REM1: variants seen among roughly 807,000 people sequenced by gnomAD.
REM1 encodes RRAD and GEM like GTPase 1.
Under a neutral mutation model 27.0 loss-of-function variants are expected in REM1, and 20 were observed. That is an observed-to-expected ratio of 0.74 (90% CI 0.52 to 1.08). The LOEUF (loss-of-function observed/expected upper bound fraction) is 1.08. REM1 is among the 50% of genes least tolerant of loss of function. REM1 has a pLI of 0.00. For synonymous variants in REM1, 159 were observed against 167.9 expected, an observed-to-expected ratio of 0.95 and a Z score of 0.41; for missense variants, 405 against 407.0, an observed-to-expected ratio of 1.00 and a Z score of 0.04.
chr20:31,480,264 T>C (rs892147747), intron 3 of REM1, among the ~76,000 whole-genome samples: 2 of 151,546 alleles, frequency 1.3e-5, no homozygotes, highest in East Asian at 1.9e-4. Flanking sequence ...CATACATACA[T>C]ACATACATAC....
At chr20:31,480,248 CACATACATACATACATACAT>C (rs3068541) in intron 3 of REM1, among the ~76,000 whole-genome samples, 1 of 127,442 alleles carries the variant, frequency 7.8e-6, no homozygotes, top group Non-Finnish European at 1.6e-5. Flanking sequence ...CATACATACA[CACATACATACATACATACAT>C]ACATACATAC....
At chr20:31,480,194 G>T in intron 3 of REM1, among the ~76,000 whole-genome samples, 1 of 80,574 alleles carries the variant, frequency 1.2e-5, no homozygotes, top group Non-Finnish European at 2.5e-5. Context: ...AATAAAGATA[G>T]ATAGATAGAT....
At position 31,475,687 on chromosome 20, in the gene REM1, G is replaced by GGCCTGACC. The variant is rs1386280704; in HGVS notation, c.-220+323_-220+330dup. On this transcript the variant is annotated intron_variant, in intron 1 of 4. Transcript: ENST00000201979. The surrounding 1 kb of genome is among the most constrained non-coding windows in gnomAD (Gnocchi z 5.0). ...GACCCTGTCCTGTCACCTAACCTGG[G>GGCCTGACC]GCCTGACCGGCGGCAGCTCCCGTCC... Among the ~76,000 whole-genome samples the GGCCTGACC allele has an allele frequency of 6.6e-6, 1 of 152,186 alleles. No individual in the cohort carries two copies. Among genetic ancestry groups the GGCCTGACC allele is most frequent in the Non-Finnish European group, 1.5e-5 (1 of 68,032 alleles).
rs756139116 is a variant in REM1, at chr20:31,484,155, T to C, written c.626-4T>C. On this transcript the variant is annotated splice_region_variant and splice_polypyrimidine_tract_variant and intron_variant, in intron 4 of 4. Transcript: ENST00000201979. ...CCCCTCCTCGCCGGGCCCCGCCCCC[T>C]TAGAGGGCCGCGCCTGCGCTGTGGT... is the stretch of plus-strand genomic sequence containing the variant. The C allele has an allele frequency of 3.3e-5, 52 of 1,574,698 alleles. No individual in the cohort carries two copies. Among genetic ancestry groups the C allele is most frequent in the Non-Finnish European group, 4.4e-5 (51 of 1,157,238 alleles).
intron 2 of REM1, among the ~76,000 whole-genome samples, chr20:31,477,146 C>T (rs1980542351): frequency 6.6e-6 from 1 of 152,122 alleles, no homozygotes; most frequent in African/African-American, 2.4e-5. Flanking sequence ...TCCTCTGACT[C>T]TTAGATTCTC....
rs200229662 is a variant in REM1, at chr20:31,482,267, C to T, written c.424-20C>T. ...GCCTAGATACCCTCTGAGGATGGGT[C>T]TTGGGTCCCTCTCCTGCAGGATAAA... is the stretch of plus-strand genomic sequence containing the variant. On this transcript the variant is annotated intron_variant, in intron 3 of 4. Transcript: ENST00000201979. 6.2e-7 allele frequency: 1 copy of T among 1,613,360 alleles called. No individual in the cohort carries two copies. The highest frequency in any genetic ancestry group is 1.1e-5 in the South Asian group (1 of 91,038).
At chr20:31,478,534 C>T (rs1268540192) in intron 3 of REM1, among the ~76,000 whole-genome samples, 1 of 152,166 alleles carries the variant, frequency 6.6e-6, no homozygotes, top group East Asian at 1.9e-4. Context: ...AGGAATATGT[C>T]CCTATTATGA....
intron 3 of REM1, among the ~76,000 whole-genome samples, chr20:31,479,184 A>T (rs144731166): frequency 6.6e-6 from 1 of 152,264 alleles, no homozygotes; most frequent in East Asian, 1.9e-4. Flanking sequence ...TCGTCTTATG[A>T]CTGTCCTCCC....
Position 31,482,304 on chromosome 20 carries a change from G to C in REM1, c.441G>C (p.Gln147His), listed in dbSNP as rs1980758340. The C allele has an allele frequency of 6.2e-7, 1 of 1,614,140 alleles. No homozygotes were observed. Among genetic ancestry groups the C allele is most frequent in the South Asian group, 1.1e-5 (1 of 91,082 alleles). ...TCCTGCAGGATAAAAGCTGGAGCCA[G>C]GAGTCATGCCTGCAGGGGGGCAGTG... ...EAEKLDKSWS[Q>H]ESCLQGGSAY... The change falls in exon 4 of 5, where the codon CAG (glutamine) becomes CAC (histidine). Residue 147 changes from glutamine to histidine, a missense_variant. Transcript: ENST00000201979.
Position 31,484,423 on chromosome 20 carries a change from T to C in REM1, c.890T>C (p.Val297Ala). ...ARSKSCHNLAVL is the reference protein window; with the variant it reads ...ARSKSCHNLAAL ...TCCAAGTCCTGCCACAATCTGGCCG[T>C]GCTCTGAAGCCCCCCGCCCTTCTGA... The change falls in exon 5 of 5, where the codon GTG becomes GCG. Residue 297 changes from valine (V) to alanine (A), a missense_variant. Transcript: ENST00000201979. 6.6e-7 allele frequency: 1 copy of C among 1,509,604 alleles called. No individual in the cohort carries two copies. Among genetic ancestry groups the C allele is most frequent in the Non-Finnish European group, 8.9e-7 (1 of 1,127,868 alleles). 93.5% of individuals were successfully genotyped at this position (1,509,604 alleles called of 1,614,324 possible).
chr20:31,480,188 A>AAGATAGATAGATAGAT (rs11467647), intron 3 of REM1, among the ~76,000 whole-genome samples: 31 of 150,052 alleles, frequency 2.1e-4, no homozygotes, highest in South Asian at 8.5e-4. Context: ...CATCTCAATA[A>AAGATAGATAGATAGAT]AGATAGATAG....
chr20:31,476,727 C>T lies in REM1; in HGVS notation c.282C>T (p.Thr94=). The change falls in exon 2 of 5, where the codon ACC becomes ACT. Residue 94 remains threonine (T), a synonymous_variant. Transcript: ENST00000201979. Reference sequence around the variant, plus strand: ...TTGGAGATCCTGGAGTGGGGAAGACCAGCTTGGCCAGCCTCTTTGCAGGGA... The same window carrying T: ...TTGGAGATCCTGGAGTGGGGAAGACTAGCTTGGCCAGCCTCTTTGCAGGGA... The part of the protein sequence containing the change: ...VLLGDPGVGK[T]SLASLFAGKQ... 6.2e-7 allele frequency: 1 copy of T among 1,613,964 alleles called. No homozygotes were observed. Among genetic ancestry groups the T allele is most frequent in the South Asian group, 1.1e-5 (1 of 91,052 alleles).
rs1980517763 is a variant in REM1 at position 31,476,669 on chromosome 20, G to C, written c.224G>C (p.Gly75Ala). The change falls in exon 2 of 5, where the codon GGC becomes GCC. Residue 75 changes from glycine (G) to alanine (A), a missense_variant. Physicochemically the swap from Gly to Ala is moderately conservative, Grantham distance 60 (BLOSUM62 0). Coordinates refer to ENST00000201979, the MANE Select transcript of REM1 (RefSeq NM_014012.6). ...TCTTCTGAATCCAGCGACTCTGAAGGCTCCTGGGAGGCTCTCTACCGTGTG... is the reference window on the plus strand; with the variant it reads ...TCTTCTGAATCCAGCGACTCTGAAGCCTCCTGGGAGGCTCTCTACCGTGTG... Reference protein sequence around the residue: ...DWSSESSDSEGSWEALYRVVL... With the variant: ...DWSSESSDSEASWEALYRVVL... 6.2e-7 allele frequency: 1 copy of C among 1,614,048 alleles called. No individual in the cohort carries two copies. Among genetic ancestry groups the C allele is most frequent in the African/African-American group, 1.3e-5 (1 of 74,922 alleles).
Position 31,476,432 on chromosome 20 carries a change from C to T in REM1, c.-14C>T, listed in dbSNP as rs755906163. Reference sequence around the variant, plus strand: ...GAAGGAAAGAAGGAAGAAGCAAACCCCCCCCTACCAAAGATGACACTCAAC... The same window carrying T: ...GAAGGAAAGAAGGAAGAAGCAAACCTCCCCCTACCAAAGATGACACTCAAC... On this transcript the variant is annotated 5_prime_UTR_variant, in exon 2 of 5. Coordinates refer to ENST00000201979, the MANE Select transcript of REM1 (RefSeq NM_014012.6). 10 of 1,542,838 alleles carry T rather than the reference C, an allele frequency of 6.5e-6. No homozygotes were observed. The highest frequency in any genetic ancestry group is 7.8e-6 in the Non-Finnish European group (9 of 1,146,672).
chr20:31,477,310 G>C (rs1980548756), intron 2 of REM1, among the ~76,000 whole-genome samples: 1 of 152,136 alleles, frequency 6.6e-6, no homozygotes, highest in African/African-American at 2.4e-5. Context: ...GCCCCAGGAT[G>C]ATGGGGTACA....
intron 3 of REM1, among the ~76,000 whole-genome samples, chr20:31,481,944 C>T (rs1457407811): frequency 6.6e-6 from 1 of 152,148 alleles, no homozygotes; most frequent in African/African-American, 2.4e-5. Flanking sequence ...TCCTCAGAAA[C>T]AAGACAAAAG....
intron 3 of REM1, among the ~76,000 whole-genome samples, chr20:31,478,562 T>C (rs1980607526): frequency 6.6e-6 from 1 of 152,176 alleles, no homozygotes; most frequent in Admixed American, 6.5e-5. Flanking sequence ...TGGTTTGTGT[T>C]TTCTTTTCTT....
intron 3 of REM1, among the ~76,000 whole-genome samples, chr20:31,480,188 AAGATAGAT>A (rs11467647): frequency 0.15 from 21,776 of 150,024 alleles, 1,837 homozygotes; most frequent in African/African-American, 0.24. Context: ...CATCTCAATA[AAGATAGAT>A]AGATAGATAG....
At position 31,476,241 on chromosome 20, in the gene REM1, T is replaced by C; in HGVS notation, c.-205T>C. 1.8e-6 allele frequency: 1 copy of C among 558,394 alleles called. No individual in the cohort carries two copies. The highest frequency in any genetic ancestry group is 2.6e-5 in the South Asian group (1 of 38,232). The allele number at this position is 558,394 out of a possible 1,614,324, so 34.6% of individuals were successfully genotyped here. ...TCCGGATCCAGGTTTATGCAGAGCC[T>C]GAGGCCAGAAAACCTAGGGACTTTC... is the stretch of plus-strand genomic sequence containing the variant. On this transcript the variant is annotated 5_prime_UTR_variant, in exon 2 of 5. Transcript: ENST00000201979.
Sources: allele counts gnomAD v4.1 joint callset (sites outside exome capture counted in the v4.1 genomes callset), GRCh38; gene constraint gnomAD v4.1.1; non-coding constraint Gnocchi (gnomAD v3.1); transcripts MANE v1.5; gene names NCBI Gene and HGNC (gene_info 2026-07-23, HGNC 2026-07-21).